The following ZNF383 variants were observed in gnomAD, a reference collection of about 807,000 sequenced individuals.
ZNF383 encodes zinc finger protein 383.
Under a neutral mutation model 44.2 loss-of-function variants are expected in ZNF383, and 32 were observed. The observed-to-expected ratio is 0.72, with a 90% confidence interval of 0.55 to 0.97. The LOEUF is 0.97. ZNF383 is among the 50% of genes least tolerant of loss of function. The pLI is 0.00. For missense variants in ZNF383, 487 were observed against 562.5 expected (o/e 0.87, Z 1.36); for synonymous variants, 155 against 186.2 (o/e 0.83, Z 1.36).
Position 37,243,718 on chromosome 19 carries a change from T to A in ZNF383, c.*54T>A. Reference sequence around the variant, plus strand: ...CATATTTTAAACCAAAAATCATGTCTAATAGTTACCCTCTTCCGTAGTTTT... The same window carrying A: ...CATATTTTAAACCAAAAATCATGTCAAATAGTTACCCTCTTCCGTAGTTTT... On this transcript the variant is annotated 3_prime_UTR_variant, in exon 6 of 6. Coordinates refer to ENST00000684119, the MANE Select transcript of ZNF383 (RefSeq NM_001387601.1). The A allele has an allele frequency of 8.2e-7, 1 of 1,226,192 alleles. No homozygotes were observed. The highest frequency in any genetic ancestry group is 1.1e-6 in the Non-Finnish European group (1 of 888,822). 76.0% of individuals were successfully genotyped at this position (1,226,192 alleles called of 1,614,324 possible).
At position 37,235,998 on chromosome 19, in the gene ZNF383, T is replaced by G. The variant is rs534234819; in HGVS notation, c.156T>G (p.Pro52=). 3.7e-6 allele frequency: 6 copies of G among 1,613,626 alleles called. No homozygotes were observed. The East Asian group carries it at 1.3e-4, about 36-fold the overall frequency. Residue 52 remains proline, a synonymous_variant, in exon 5 of 6, where the codon CCT becomes CCG. Transcript: ENST00000684119. ...GAGCAGGACTTTACACTCCTAAGCC[T>G]CAAGTGATCTCCTTATTGGAACAAG... is the stretch of plus-strand genomic sequence containing the variant. ...LVSMGLYTPK[P]QVISLLEQGK...
intron 5 of ZNF383, among the ~76,000 whole-genome samples, chr19:37,237,100 G>A (rs862234): frequency 6.6e-6 from 1 of 151,884 alleles, no homozygotes; most frequent in Admixed American, 6.6e-5. Flanking sequence ...TTTATGGAAC[G>A]TTTTTTAATT....
At chr19:37,232,161 C>T (rs1207116447) in intron 3 of ZNF383, among the ~76,000 whole-genome samples, 2 of 151,728 alleles carry the variant, frequency 1.3e-5, no homozygotes, top group Non-Finnish European at 2.9e-5. Flanking sequence ...CTGCAACCTC[C>T]GCCTCCCAGG....
intron 5 of ZNF383, among the ~76,000 whole-genome samples, chr19:37,239,491 A>G (rs1385186149): frequency 6.6e-6 from 1 of 152,182 alleles, no homozygotes; most frequent in Non-Finnish European, 1.5e-5. Context: ...CCAGGCAGAG[A>G]GAAGAACCCC....
rs1974229876 is a variant in ZNF383, at chr19:37,243,300, A to G, written c.1064A>G (p.Asn355Ser). ...KAFSSGSALT[N>S]HQRIHTGEKP... ...TTTAGTAGTGGCTCAGCACTTACTA[A>G]TCATCAGAGAATTCACACTGGTGAG... The change falls in exon 6 of 6, where the codon AAT becomes AGT. Residue 355 changes from asparagine (N) to serine (S), a missense_variant. Coordinates refer to ENST00000684119, the MANE Select transcript of ZNF383 (RefSeq NM_001387601.1). 6.2e-7 allele frequency: 1 copy of G among 1,614,026 alleles called. No homozygotes were observed. The highest frequency in any genetic ancestry group is 8.5e-7 in the Non-Finnish European group (1 of 1,180,026).
Position 37,247,475 on chromosome 19 carries a change from A to C in ZNF383, c.*3811A>C, listed in dbSNP as rs1052819883. On this transcript the variant is annotated 3_prime_UTR_variant, in exon 6 of 6. Coordinates refer to ENST00000684119, the MANE Select transcript of ZNF383 (RefSeq NM_001387601.1). Reference sequence around the variant, plus strand: ...CAATTTTGTTTATATACTACAGGTCACTCAACTATACACTTTAAAAGGGTG... The same window carrying C: ...CAATTTTGTTTATATACTACAGGTCCCTCAACTATACACTTTAAAAGGGTG... 6.6e-6 allele frequency: 1 copy of C among 152,218 alleles called. No individual in the cohort carries two copies. The highest frequency in any genetic ancestry group is 1.5e-5 in the Non-Finnish European group (1 of 68,044). The allele number at this position is 152,218 out of a possible 1,614,324, so 9.4% of individuals were successfully genotyped here.
In ZNF383 at chr19:37,243,697, T is replaced by C; in HGVS notation, c.*33T>C. ...TAAAGCCCCTGTCACCTTCCTCATATTTTAAACCAAAAATCATGTCTAATA... is the reference window on the plus strand; with the variant it reads ...TAAAGCCCCTGTCACCTTCCTCATACTTTAAACCAAAAATCATGTCTAATA... On this transcript the variant is annotated 3_prime_UTR_variant, in exon 6 of 6. Coordinates refer to ENST00000684119, the MANE Select transcript of ZNF383 (RefSeq NM_001387601.1). The C allele has an allele frequency of 7.1e-7, 1 of 1,416,552 alleles. No individual in the cohort carries two copies. The highest frequency in any genetic ancestry group is 9.5e-7 in the Non-Finnish European group (1 of 1,056,308). 87.7% of individuals were successfully genotyped at this position (1,416,552 alleles called of 1,614,324 possible).
chr19:37,235,403 C>A, intron 3 of ZNF383, 146 bp from the exon 4 acceptor site: 1 of 772,402 alleles, frequency 1.3e-6, no homozygotes, highest in Non-Finnish European at 2.1e-6. Context: ...ACTTCCTACT[C>A]TTGCATCTAT....
chr19:37,226,405 G>A (rs982916830), intron 2 of ZNF383: 1 of 152,060 alleles, frequency 6.6e-6, no homozygotes, highest in African/African-American at 2.4e-5. Flanking sequence ...CACATCCAGG[G>A]GTTTGGACAA....
Position 37,243,571 on chromosome 19 carries a change from T to C in ZNF383, c.1335T>C (p.Thr445=). 1.2e-6 allele frequency: 2 copies of C among 1,613,808 alleles called. No homozygotes were observed. The highest frequency in any genetic ancestry group is 1.7e-6 in the Non-Finnish European group (2 of 1,179,858). The change falls in exon 6 of 6, where the codon ACT becomes ACC. Residue 445 remains threonine (T), a synonymous_variant. Transcript: ENST00000684119. ...TTACTCGACATCTGAGAATTCACACTGGTGAAAAGCCCTATAACTGTAAGG... is the reference window on the plus strand; with the variant it reads ...TTACTCGACATCTGAGAATTCACACCGGTGAAAAGCCCTATAACTGTAAGG... ...SNLTRHLRIH[T]GEKPYNCKEC...
At chr19:37,219,171 T>A (rs1163715418) in intron 1 of ZNF383, 3 of 152,714 alleles carry the variant, frequency 2.0e-5, no homozygotes, top group African/African-American at 7.2e-5. Flanking sequence ...CAGCTCTCCC[T>A]GTGAGGTCAG....
chr19:37,230,355 C>T (rs1294623552), intron 2 of ZNF383, 54 bp from the exon 3 acceptor site: 1 of 1,308,868 alleles, frequency 7.6e-7, no homozygotes, highest in African/African-American at 1.5e-5. Flanking sequence ...AGTGTGATTT[C>T]TAGAGGGTTT....
intron 2 of ZNF383, among the ~76,000 whole-genome samples, chr19:37,227,168 G>T (rs1403912537): frequency 1.4e-5 from 2 of 143,216 alleles, no homozygotes; most frequent in African/African-American, 5.3e-5. Context: ...AGGCTGGAGT[G>T]CAATGGCGCA....
chr19:37,218,404 G>A (rs1258405874), intron 1 of ZNF383, 130 bp downstream of exon 1: 1 of 153,170 alleles, frequency 6.5e-6, no homozygotes, highest in Admixed American at 6.6e-5. Flanking sequence ...GCGAGGCGTG[G>A]GCTTCCGTGT....
intron 5 of ZNF383, among the ~76,000 whole-genome samples, chr19:37,238,377 CAT>C (rs1200493647): frequency 1.3e-5 from 2 of 150,108 alleles, no homozygotes; most frequent in South Asian, 2.1e-4. Context: ...AAATATATAT[CAT>C]ATATTAATAA....
chr19:37,229,024 T>C (rs911341545), intron 2 of ZNF383, among the ~76,000 whole-genome samples: 4 of 152,110 alleles, frequency 2.6e-5, no homozygotes, highest in African/African-American at 7.2e-5. Context: ...ATTCTGTTTA[T>C]TGTTGTGTAA....
At chr19:37,226,367 T>C (rs1390380241) in intron 2 of ZNF383, 5 of 152,150 alleles carry the variant, frequency 3.3e-5, no homozygotes, top group Admixed American at 6.6e-5. Context: ...GAGTCTATAG[T>C]TTACATTAGG....
At chr19:37,224,414 G>A (rs1286657881) in intron 1 of ZNF383, among the ~76,000 whole-genome samples, 1 of 152,160 alleles carries the variant, frequency 6.6e-6, no homozygotes, top group African/African-American at 2.4e-5. Context: ...CTTAAAGGCT[G>A]AGGGCTCAAT....
At position 37,236,389 on chromosome 19, in the gene ZNF383, C is replaced by CT. The variant is rs1241219085; in HGVS notation, c.232+324dup. 2.4e-4 allele frequency among the ~76,000 whole-genome samples: 36 copies of CT among 150,622 alleles called. 1 individual carries two copies. Among genetic ancestry groups the CT allele is most frequent in the Admixed American group, 1.1e-3 (17 of 15,062 alleles). On this transcript the variant is annotated intron_variant, in intron 5 of 5. Transcript: ENST00000684119. The stretch of plus-strand genomic sequence containing the variant: ...CTTGCTAGCTTTTTTTACTCTCTCT[C>CT]TTTTTTTTTCTTTTTTTTTAAAGGG...
Sources: allele counts gnomAD v4.1 joint callset (sites outside exome capture counted in the v4.1 genomes callset), GRCh38; gene constraint gnomAD v4.1.1; transcripts MANE v1.5; gene names NCBI Gene and HGNC (gene_info 2026-07-23, HGNC 2026-07-21).